The following VWA3A variants were observed in gnomAD, a reference collection of about 807,000 sequenced individuals.
VWA3A encodes the protein von Willebrand factor A domain containing 3A.
A neutral mutation model predicts 160.4 loss-of-function variants in VWA3A; 134 were observed. That is an observed-to-expected ratio of 0.84 (90% CI 0.73 to 0.96). The LOEUF is 0.96. Among genes scored for constraint, VWA3A ranks in the 40% least tolerant of loss-of-function variants. The pLI, the probability that VWA3A is intolerant of heterozygous loss-of-function variation, is 0.00. For synonymous variants in VWA3A, 476 were observed against 543.4 expected (o/e 0.88, Z 1.72); for missense variants, 1,310 against 1,447.9 (o/e 0.90, Z 1.55).
chr16:22,139,644 G>A (rs957889955), intron 22 of VWA3A, among the ~76,000 whole-genome samples: 1 of 152,052 alleles, frequency 6.6e-6, no homozygotes, highest in Non-Finnish European at 1.5e-5. Context: ...GCAGTGAGTC[G>A]AGATCACGCC....
intron 17 of VWA3A, among the ~76,000 whole-genome samples, chr16:22,130,812 A>C (rs2045933590): frequency 6.6e-6 from 1 of 152,062 alleles, no homozygotes; most frequent in Non-Finnish European, 1.5e-5. Flanking sequence ...TATACTGCCC[A>C]GGCTAGAGGT....
intron 6 of VWA3A, among the ~76,000 whole-genome samples, chr16:22,105,976 G>C: frequency 6.6e-6 from 1 of 152,164 alleles, no homozygotes; most frequent in South Asian, 2.1e-4. Context: ...GGAATGGTTC[G>C]CTGTCGGGGG....
At position 22,096,942 on chromosome 16, in the gene VWA3A, A is replaced by G; in HGVS notation, c.98A>G (p.His33Arg). 2 of 1,492,596 alleles carry G rather than the reference A, an allele frequency of 1.3e-6. No homozygotes were observed. The highest frequency in any genetic ancestry group is 1.4e-5 in the African/African-American group (1 of 71,472). 92.5% of individuals were successfully genotyped at this position (1,492,596 alleles called of 1,614,324 possible). ...CAAGAAAATATGTTTCTGGAAAACCATTGGTAAGCATAGTTCTCTGATTTT... is the reference window on the plus strand; with the variant it reads ...CAAGAAAATATGTTTCTGGAAAACCGTTGGTAAGCATAGTTCTCTGATTTT... ...HGQENMFLEN[H>R]CIRRNTGRDS... Residue 33 changes from histidine to arginine, a missense_variant, in exon 2 of 34, where the codon CAT (histidine) becomes CGT (arginine). By Grantham distance (29) the His-to-Arg change is conservative. Coordinates refer to ENST00000389398, the MANE Select transcript of VWA3A (RefSeq NM_173615.5).
intron 31 of VWA3A, among the ~76,000 whole-genome samples, chr16:22,154,330 T>C (rs918633524): frequency 9.6e-5 from 13 of 136,054 alleles, no homozygotes; most frequent in Non-Finnish European, 1.7e-4. Flanking sequence ...TTTCTTTTTT[T>C]TTTTTTTTTT....
chr16:22,150,246 A>G (rs1381315309), intron 29 of VWA3A, among the ~76,000 whole-genome samples: 1 of 152,160 alleles, frequency 6.6e-6, no homozygotes, highest in Non-Finnish European at 1.5e-5. Flanking sequence ...TACTAAATAC[A>G]AAAGATTAGC....
intron 12 of VWA3A, 27 bp downstream of exon 12, chr16:22,119,054 G>A: frequency 1.3e-6 from 2 of 1,583,714 alleles, no homozygotes; most frequent in Non-Finnish European, 1.7e-6. Context: ...TCAATTCTGG[G>A]GCCTTCTCCC....
At chr16:22,146,417 TG>T in intron 27 of VWA3A, 73 bp downstream of exon 27, 1 of 1,321,758 alleles carries the variant, frequency 7.6e-7, no homozygotes, top group Non-Finnish European at 1.1e-6. Context: ...GGGACCCCAG[TG>T]TCAGTCCTTC....
rs1260043312 is a variant in VWA3A at position 22,134,368 on chromosome 16, G to A, written c.2069G>A (p.Gly690Asp). The part of the protein sequence containing the change: ...GGRFHWFGDT[G>D]IYESDDINSI... ...TGCTCACGATGTGCTTTGTTTCCAG[G>A]CATTTATGAGAGCGATGACATCAAC... The change falls in exon 21 of 34, where the codon GGC becomes GAC. Residue 690 changes from glycine to aspartate, a missense_variant and splice_region_variant. Physicochemically the swap from Gly to Asp is moderately conservative, Grantham distance 94 (BLOSUM62 -1). Coordinates refer to ENST00000389398, the MANE Select transcript of VWA3A (RefSeq NM_173615.5). 2.5e-6 allele frequency: 4 copies of A among 1,595,590 alleles called. No homozygotes were observed. The highest frequency in any genetic ancestry group is 3.5e-5 in the Admixed American group (2 of 57,398).
At chr16:22,153,083 C>T (rs146469378) in intron 31 of VWA3A, among the ~76,000 whole-genome samples, 61 of 152,304 alleles carry the variant, frequency 4.0e-4, no homozygotes, top group Non-Finnish European at 6.6e-4. Flanking sequence ...CGGTGGTTCA[C>T]ACCTGTAATC....
At position 22,116,717 on chromosome 16, in the gene VWA3A, G is replaced by C. The variant is rs369784129; in HGVS notation, c.816-42G>C. 6.6e-6 allele frequency: 10 copies of C among 1,506,176 alleles called. No homozygotes were observed. The African/African-American group carries it at 1.4e-4, about 21-fold the overall frequency. The allele number at this position is 1,506,176 out of a possible 1,614,324, so 93.3% of individuals were successfully genotyped here. A position where few individuals can be genotyped will look rare whatever the true frequency, so the allele number is the denominator to read the frequency against. ...TTTGCTCTGGAATGTTCTCAAAGTG[G>C]TCTGACCTGGGATTTCCACTTCTCT... On this transcript the variant is annotated intron_variant, in intron 9 of 33. Coordinates refer to ENST00000389398, the MANE Select transcript of VWA3A (RefSeq NM_173615.5).
chr16:22,104,307 G>A (rs2045450297), intron 6 of VWA3A, among the ~76,000 whole-genome samples: 1 of 152,206 alleles, frequency 6.6e-6, no homozygotes. Context: ...GGCCAACATG[G>A]TGAAACCTCA....
In VWA3A at chr16:22,096,880, TG is replaced by T; in HGVS notation, c.37del (p.Ala13GlnfsTer35). The stretch of plus-strand genomic sequence containing the variant: ...TTAGGAAAATAAGCATTGGGTGTTT[TG>T]CAATGGCTACACAAACTAGTCATGT... ...KYRKISIGCF[A>X]MATQTSHVFH... On this transcript the variant is annotated frameshift_variant, in exon 2 of 34. Transcript: ENST00000389398. LOFTEE classifies it high-confidence loss of function. 6.5e-7 allele frequency: 1 copy of T among 1,549,896 alleles called. No homozygotes were observed. The highest frequency in any genetic ancestry group is 8.7e-7 in the Non-Finnish European group (1 of 1,145,454).
intron 28 of VWA3A, 80 bp downstream of exon 28, chr16:22,148,386 G>A (rs2046293813): frequency 1.3e-6 from 2 of 1,493,732 alleles, no homozygotes; most frequent in Non-Finnish European, 8.9e-7. Flanking sequence ...CCTCTTCTCA[G>A]TGCCAACAGG....
intron 5 of VWA3A, 110 bp from the exon 6 acceptor site, chr16:22,103,365 C>G: frequency 1.0e-6 from 1 of 997,598 alleles, no homozygotes; most frequent in Non-Finnish European, 1.5e-6. Context: ...AGAACCTATG[C>G]ACATTAAAAA....
At chr16:22,120,647 T>C (rs999765886) in intron 12 of VWA3A, among the ~76,000 whole-genome samples, 5 of 152,308 alleles carry the variant, frequency 3.3e-5, no homozygotes, top group Middle Eastern at 6.8e-3. Flanking sequence ...GCTCACTAAG[T>C]GATTTGCTGC....
chr16:22,156,129 T>G lies in VWA3A; in HGVS notation c.*112T>G. The G allele has an allele frequency of 1.7e-6, 1 of 584,416 alleles. No homozygotes were observed. Among genetic ancestry groups the G allele is most frequent in the Non-Finnish European group, 3.0e-6 (1 of 332,128 alleles). The allele number at this position is 584,416 out of a possible 1,614,324, so 36.2% of individuals were successfully genotyped here. On this transcript the variant is annotated 3_prime_UTR_variant, in exon 34 of 34. Coordinates refer to ENST00000389398, the MANE Select transcript of VWA3A (RefSeq NM_173615.5). ...GACCTGCAGGAAACATGATTCCTGG[T>G]ACCAGGACTCTCTGGAAGCTGAGGA...
At chr16:22,121,943 G>A in intron 14 of VWA3A, among the ~76,000 whole-genome samples, 1 of 152,032 alleles carries the variant, frequency 6.6e-6, no homozygotes. Flanking sequence ...TCCCATAAAG[G>A]ATTAATGCAT....
At chr16:22,123,247 CA>C in intron 15 of VWA3A, 82 bp downstream of exon 15, 2 of 1,338,480 alleles carry the variant, frequency 1.5e-6, no homozygotes, top group Non-Finnish European at 2.1e-6. Flanking sequence ...ATGAAGTCAC[CA>C]AGCCATTGAC....
chr16:22,113,363 CTTTTTTTTTTTTTTTTTT>C (rs569069206), intron 8 of VWA3A, among the ~76,000 whole-genome samples: 10 of 46,264 alleles, frequency 2.2e-4, no homozygotes, highest in South Asian at 1.4e-3. Context: ...GGCTAATTTT[CTTTTTTTTTTTTTTTTTT>C]TTTTTTTTTT....
Sources: gnomAD v4.1 joint callset for allele counts (sites outside exome capture counted in the v4.1 genomes callset) on GRCh38, gnomAD v4.1.1 for gene constraint, MANE v1.5 for transcripts, NCBI Gene and HGNC (gene_info 2026-07-23, HGNC 2026-07-21) for gene names.